The following NPAS3 variants were observed in gnomAD, a reference collection of about 807,000 sequenced individuals.
NPAS3 encodes the protein neuronal PAS domain protein 3.
NPAS3 carries 14 observed loss-of-function variants against 73.1 expected under a neutral mutation model. The ratio of observed to expected loss-of-function variants is 0.19; its 90% confidence interval spans 0.13 to 0.30. The LOEUF (loss-of-function observed/expected upper bound fraction) is 0.30, where lower values mean the gene tolerates loss of function less well. Among genes scored for constraint, NPAS3 ranks in the 10% least tolerant of loss-of-function variants. The probability of loss-of-function intolerance (pLI) is 1.00; values close to 1 mark genes in which losing one functional copy is unlikely to be tolerated. For missense variants in NPAS3, 1,096 were observed against 1,250.0 expected (o/e 0.88, Z 1.86); for synonymous variants, 620 against 541.5 (o/e 1.14, Z -2.01).
At chr14:33,132,288 C>G (rs1322434308) in intron 2 of NPAS3, among the ~76,000 whole-genome samples, 1 of 152,076 alleles carries the variant, frequency 6.6e-6, no homozygotes, top group Admixed American at 6.6e-5. Flanking sequence ...TCTGGTTGTT[C>G]TAGCTTGGGC....
chr14:33,140,672 C>T (rs561522264), intron 2 of NPAS3, among the ~76,000 whole-genome samples: 30 of 152,120 alleles, frequency 2.0e-4, no homozygotes, highest in Middle Eastern at 3.4e-3. Context: ...CTCTCAAGTG[C>T]ATTCAATATT....
intron 5 of NPAS3, among the ~76,000 whole-genome samples, chr14:33,622,318 A>T (rs2058099012): frequency 6.6e-6 from 1 of 152,208 alleles, no homozygotes. Flanking sequence ...CCCTAAAAAA[A>T]AAAAGCCATT....
At chr14:33,109,033 G>C (rs2042809623) in intron 2 of NPAS3, among the ~76,000 whole-genome samples, 1 of 152,030 alleles carries the variant, frequency 6.6e-6, no homozygotes, top group Admixed American at 6.6e-5. Flanking sequence ...GTCCTGATTT[G>C]ATTTATTGCA....
At chr14:33,014,556 A>G (rs2039327212) in intron 1 of NPAS3, among the ~76,000 whole-genome samples, 1 of 152,210 alleles carries the variant, frequency 6.6e-6, no homozygotes, top group South Asian at 2.1e-4. Context: ...GACATATCTT[A>G]AATGACTAAA....
intron 3 of NPAS3, among the ~76,000 whole-genome samples, chr14:33,359,845 T>C (rs762667128): frequency 3.3e-5 from 5 of 152,224 alleles, no homozygotes; most frequent in Non-Finnish European, 7.3e-5. Context: ...GTGGGCTTAA[T>C]TCGTGAGCGA....
intron 3 of NPAS3, among the ~76,000 whole-genome samples, chr14:33,339,715 C>T (rs1594729121): frequency 6.6e-6 from 1 of 151,796 alleles, no homozygotes; most frequent in African/African-American, 2.4e-5. Context: ...CAGTTGAGGT[C>T]TAATTTGGAG....
chr14:33,146,244 G>A (rs1040947161), intron 2 of NPAS3, among the ~76,000 whole-genome samples: 1 of 152,174 alleles, frequency 6.6e-6, no homozygotes, highest in Non-Finnish European at 1.5e-5. Context: ...TTGGTAGTTT[G>A]TAAGTAAAGT....
At chr14:33,135,739 G>A (rs1344789566) in intron 2 of NPAS3, among the ~76,000 whole-genome samples, 2 of 152,136 alleles carry the variant, frequency 1.3e-5, no homozygotes, top group African/African-American at 2.4e-5. Flanking sequence ...GGAAGGAAAA[G>A]ACCAAAAGAA....
intron 2 of NPAS3, among the ~76,000 whole-genome samples, chr14:33,193,855 C>G (rs1366694633): frequency 1.3e-5 from 2 of 152,156 alleles, no homozygotes; most frequent in Admixed American, 1.3e-4. Context: ...GTCATCATCA[C>G]CTTTTTTTGT....
chr14:33,219,334 G>A (rs752398226), intron 3 of NPAS3, among the ~76,000 whole-genome samples: 2 of 152,164 alleles, frequency 1.3e-5, no homozygotes, highest in South Asian at 4.1e-4. Context: ...TCAATTTTAA[G>A]AGTCTGTCGT....
rs147131406 is a variant in NPAS3 at position 33,264,024 on chromosome 14, A to T, written c.385+48598A>T. 2.4e-3 allele frequency among the ~76,000 whole-genome samples: 373 copies of T among 152,310 alleles called. 2 individuals carry two copies. Among genetic ancestry groups the T allele is most frequent in the African/African-American group, 8.2e-3 (340 of 41,568 alleles). ...ATAGCAAAGACTTGGAACCAGCCCAAATGTCCAACAATGATAGACTGGATT... is the reference window on the plus strand; with the variant it reads ...ATAGCAAAGACTTGGAACCAGCCCATATGTCCAACAATGATAGACTGGATT... On this transcript the variant is annotated intron_variant, in intron 3 of 11. Transcript: ENST00000356141.
intron 2 of NPAS3, among the ~76,000 whole-genome samples, chr14:33,097,936 C>T (rs2042470326): frequency 6.6e-6 from 1 of 152,018 alleles, no homozygotes; most frequent in South Asian, 2.1e-4. Flanking sequence ...AATATAATCT[C>T]CCTTTCCTCA....
intron 1 of NPAS3, among the ~76,000 whole-genome samples, chr14:32,958,154 C>T (rs1270388493): frequency 6.7e-6 from 1 of 150,240 alleles, no homozygotes. Flanking sequence ...TTATAAAAGC[C>T]TGTGACCCCT....
intron 3 of NPAS3, among the ~76,000 whole-genome samples, chr14:33,263,276 C>T (rs2049041104): frequency 6.6e-6 from 1 of 152,032 alleles, no homozygotes; most frequent in South Asian, 2.1e-4. Flanking sequence ...GTCTTTAATC[C>T]ATCTTGAATT....
chr14:33,143,030 G>A (rs140614995), intron 2 of NPAS3, among the ~76,000 whole-genome samples: 12 of 152,264 alleles, frequency 7.9e-5, no homozygotes, highest in African/African-American at 2.2e-4. Flanking sequence ...ACTTGAACCC[G>A]GGAGGAGGAG....
chr14:33,023,447 C>A (rs989465796), intron 1 of NPAS3, among the ~76,000 whole-genome samples: 3 of 152,092 alleles, frequency 2.0e-5, no homozygotes, highest in Admixed American at 1.3e-4. Flanking sequence ...GACTTTGAGT[C>A]AGAATCACCT....
At chr14:33,406,937 C>A (rs1357786068) in intron 4 of NPAS3, among the ~76,000 whole-genome samples, 2 of 152,054 alleles carry the variant, frequency 1.3e-5, no homozygotes, top group African/African-American at 4.8e-5. Context: ...CTGGAATTGC[C>A]CTACACAGTA....
intron 4 of NPAS3, among the ~76,000 whole-genome samples, chr14:33,536,210 G>T (rs1283841736): frequency 1.3e-5 from 2 of 152,188 alleles, no homozygotes; most frequent in Admixed American, 6.5e-5. Flanking sequence ...AATATGTAAA[G>T]TGGATAGAAT....
intron 3 of NPAS3, among the ~76,000 whole-genome samples, chr14:33,320,055 A>C (rs74487561): frequency 0.021 from 3,142 of 152,146 alleles, 103 homozygotes; most frequent in African/African-American, 0.069. Context: ...ATCGGGAAGG[A>C]GTTTGTAGAG....
Sources: gnomAD v4.1 joint callset for allele counts (sites outside exome capture counted in the v4.1 genomes callset) on GRCh38, gnomAD v4.1.1 for gene constraint, MANE v1.5 for transcripts, NCBI Gene and HGNC (gene_info 2026-07-23, HGNC 2026-07-21) for gene names.